KANSL3: variants seen among roughly 807,000 people sequenced by gnomAD.
KANSL3 encodes NSL complex protein NSL3.
In KANSL3, 16 loss-of-function variants were observed where a neutral mutation model predicts 89.2. The ratio of observed to expected loss-of-function variants is 0.18; its 90% CI spans 0.12 to 0.27. The LOEUF is 0.27. Among genes scored for constraint, KANSL3 ranks in the 10% least tolerant of loss-of-function variants. The pLI is 1.00. For missense variants in KANSL3, 879 were observed against 1,110.6 expected, an observed-to-expected ratio of 0.79 and a Z score of 2.96; for synonymous variants, 385 against 419.7, an observed-to-expected ratio of 0.92 and a Z score of 1.01.
intron 2 of KANSL3, among the ~76,000 whole-genome samples, chr2:96,631,981 G>A (rs2073468294): frequency 6.6e-6 from 1 of 152,090 alleles, no homozygotes; most frequent in Non-Finnish European, 1.5e-5. Context: ...GGGAAGTCAA[G>A]GCTGCAGTGA....
intron 3 of KANSL3, among the ~76,000 whole-genome samples, chr2:96,623,959 CT>C (rs1243400687): frequency 1.3e-5 from 2 of 152,238 alleles, no homozygotes; most frequent in African/African-American, 4.8e-5. Flanking sequence ...TTGTAACCCC[CT>C]TTTGGGGGTA....
At chr2:96,637,944 CTCGCATTTTACAGACGAAG>C (rs1417154913) in intron 1 of KANSL3, 1 of 152,330 alleles carries the variant, frequency 6.6e-6, no homozygotes, top group African/African-American at 2.4e-5. Flanking sequence ...AGGGCTATGA[CTCGCATTTTACAGACGAAG>C]TCGCCAGCTC....
In KANSL3 at chr2:96,637,147, G is replaced by C. The variant is rs1339390917; in HGVS notation, c.-12C>G. Reference sequence around the variant, plus strand: ...CCCCGGTGGGCCATGTCAGTGGAGGGGCAGAAAGTCAGAGCATGGGTATCT... The same window carrying C: ...CCCCGGTGGGCCATGTCAGTGGAGGCGCAGAAAGTCAGAGCATGGGTATCT... On this transcript the variant is annotated 5_prime_UTR_variant, in exon 2 of 21. Coordinates refer to ENST00000431828, the MANE Select transcript of KANSL3 (RefSeq NM_001115016.3). The C allele has an allele frequency of 6.5e-7, 1 of 1,540,396 alleles. No individual in the cohort carries two copies. Among genetic ancestry groups the C allele is most frequent in the Non-Finnish European group, 8.8e-7 (1 of 1,137,634 alleles).
At position 96,601,937 on chromosome 2, in the gene KANSL3, A is replaced by C. The variant is rs561183808; in HGVS notation, c.2483-161T>G. 7 of 1,259,602 alleles carry C rather than the reference A, an allele frequency of 5.6e-6. No individual in the cohort carries two copies. The African/African-American group carries it at 9.1e-5, about 16-fold the overall frequency. 78.0% of individuals were successfully genotyped at this position (1,259,602 alleles called of 1,614,324 possible). ...ATCAGTCAATCTGAAAGGCAACAGG[A>C]AACAGCCTGTGTTCTCTCAACCTCT... On this transcript the variant is annotated intron_variant, in intron 19 of 20. Coordinates refer to ENST00000431828, the MANE Select transcript of KANSL3 (RefSeq NM_001115016.3).
At chr2:96,622,113 CAA>C (rs113914476) in intron 3 of KANSL3, among the ~76,000 whole-genome samples, 12 of 130,620 alleles carry the variant, frequency 9.2e-5, no homozygotes, top group African/African-American at 9.2e-5. Context: ...GACTCCAGCT[CAA>C]AAAAAAAAAA....
At chr2:96,628,090 G>GAA (rs1465522240) in intron 3 of KANSL3, 39 of 1,290,172 alleles carry the variant, frequency 3.0e-5, no homozygotes, top group Non-Finnish European at 3.7e-5. Context: ...GGAGACTGGA[G>GAA]AAAGATAAGC....
intron 5 of KANSL3, among the ~76,000 whole-genome samples, chr2:96,616,383 A>C (rs2070117170): frequency 1.3e-5 from 2 of 152,312 alleles, no homozygotes; most frequent in Non-Finnish European, 2.9e-5. Flanking sequence ...TGACTTTTCC[A>C]CTTGGAGCTG....
At chr2:96,609,304 C>T (rs2068492197) in intron 12 of KANSL3, among the ~76,000 whole-genome samples, 195 bp downstream of exon 12, 2 of 152,120 alleles carry the variant, frequency 1.3e-5, no homozygotes, top group Admixed American at 6.5e-5. Context: ...ACCACTTTTC[C>T]AACACTCTCC....
chr2:96,601,123 C>T (rs1391287438), intron 20 of KANSL3: 1 of 237,730 alleles, frequency 4.2e-6, no homozygotes, highest in African/African-American at 2.3e-5. Context: ...CCTGTTGTAG[C>T]CGGGCATGGT....
intron 5 of KANSL3, among the ~76,000 whole-genome samples, chr2:96,618,318 T>C (rs575330203): frequency 6.6e-6 from 1 of 152,194 alleles, no homozygotes; most frequent in East Asian, 1.9e-4. Flanking sequence ...GCCTCCTAAC[T>C]AGCTGGGACT....
At chr2:96,616,857 T>C (rs1318984516) in intron 5 of KANSL3, among the ~76,000 whole-genome samples, 2 of 152,088 alleles carry the variant, frequency 1.3e-5, no homozygotes, top group South Asian at 2.1e-4. Flanking sequence ...GCTCATAATA[T>C]CCGACATGCA....
chr2:96,591,798 T>C (rs746661126), downstream of KANSL3, among the ~76,000 whole-genome samples: 3 of 152,148 alleles, frequency 2.0e-5, no homozygotes, highest in Non-Finnish European at 4.4e-5. Context: ...TAAAAAGTCC[T>C]GTGACAATAG....
chr2:96,587,787 G>T, the KANSL3 span, among the ~76,000 whole-genome samples: 1 of 152,056 alleles, frequency 6.6e-6, no homozygotes, highest in Non-Finnish European at 1.5e-5. Context: ...TAAGACAAAT[G>T]AAAACAGAAA....
At chr2:96,586,988 GACCA>G in the KANSL3 span, among the ~76,000 whole-genome samples, 8 of 152,104 alleles carry the variant, frequency 5.3e-5, no homozygotes, top group Non-Finnish European at 1.0e-4. Flanking sequence ...ATCAGTATCT[GACCA>G]ACCATAACTC....
intron 1 of KANSL3, chr2:96,638,007 G>T (rs996110795): frequency 6.6e-6 from 1 of 152,392 alleles, no homozygotes; most frequent in African/African-American, 2.4e-5. Context: ...AGGTCATCCA[G>T]AGTTCGCGAC....
intron 14 of KANSL3, among the ~76,000 whole-genome samples, chr2:96,607,991 T>TCGCAGCTCACCAAA (rs777501338): frequency 7.9e-5 from 12 of 152,208 alleles, no homozygotes; most frequent in Admixed American, 2.0e-4. Context: ...TTCATAGCAC[T>TCGCAGCTCACCAAA]CGCAGCTCAC....
Position 96,602,842 on chromosome 2 carries a change from GGCT to G in KANSL3, c.2167_2169del (p.Ser723del). 1 of 1,613,902 alleles carries G rather than the reference GGCT, an allele frequency of 6.2e-7. No individual in the cohort carries two copies. The highest frequency in any genetic ancestry group is 1.7e-5 in the Admixed American group (1 of 59,998). ...AAGCTGAAGCTGAGGCCTTGGAGGA[GGCT>G]GCTGGCTGATGTGGCCCCTAAGAGA... On this transcript the variant is annotated inframe_deletion, in exon 18 of 21. Coordinates refer to ENST00000431828, the MANE Select transcript of KANSL3 (RefSeq NM_001115016.3).
chr2:96,593,485 G>A lies in KANSL3; in HGVS notation c.*2126C>T, dbSNP rs2066346608. The A allele has an allele frequency of 1.4e-5, 5 of 365,986 alleles. No homozygotes were observed. The highest frequency in any genetic ancestry group is 4.1e-5 in the South Asian group (2 of 49,094). 22.7% of individuals were successfully genotyped at this position (365,986 alleles called of 1,614,324 possible). On this transcript the variant is annotated 3_prime_UTR_variant, in exon 21 of 21. Transcript: ENST00000431828. ...TCGCGTTCCAAGAAATATAGTTTGC[G>A]AAGGGAACTGGAAAACGTGACTCTA... is the stretch of plus-strand genomic sequence containing the variant.
At chr2:96,591,882 G>A (rs948069500), downstream of KANSL3, among the ~76,000 whole-genome samples, 19 of 152,160 alleles carry the variant, frequency 1.2e-4, no homozygotes, top group African/African-American at 4.3e-4. Flanking sequence ...GAGGCTCCTT[G>A]TCTATAAAAA....
Sources: gnomAD v4.1 joint callset for allele counts (sites outside exome capture counted in the v4.1 genomes callset) on GRCh38, gnomAD v4.1.1 for gene constraint, MANE v1.5 for transcripts, NCBI Gene and HGNC (gene_info 2026-07-23, HGNC 2026-07-21) for gene names.